MVB12A: variants seen among roughly 807,000 people sequenced by gnomAD.
MVB12A encodes multivesicular body subunit 12A, also known as CIN85/CD2AP family binding protein.
In MVB12A, 30 loss-of-function variants were observed where a neutral mutation model predicts 34.3. The ratio of observed to expected loss-of-function variants is 0.88; its 90% CI spans 0.65 to 1.19. The LOEUF is 1.19. Among genes scored for constraint, MVB12A ranks in the 50% most tolerant of loss-of-function variants. MVB12A has a pLI of 0.00. For missense variants in MVB12A, 355 were observed against 369.2 expected, an observed-to-expected ratio of 0.96 and a Z score of 0.31; for synonymous variants, 158 against 158.9, an observed-to-expected ratio of 0.99 and a Z score of 0.04.
chr19:17,420,583 A>C lies in MVB12A; in HGVS notation c.235A>C (p.Lys79Gln), dbSNP rs1211481893. The change falls in exon 3 of 9, where the codon AAG (lysine) becomes CAG (glutamine). Residue 79 changes from lysine (K) to glutamine (Q), a missense_variant. Transcript: ENST00000317040. Reference sequence around the variant, plus strand: ...GGCCGATATCCAGATCGTGGTGGACAAGAGCCCCCTGCCGCTGGGCTTCTC... The same window carrying C: ...GGCCGATATCCAGATCGTGGTGGACCAGAGCCCCCTGCCGCTGGGCTTCTC... ...VVADIQIVVDKSPLPLGFSPV... is the reference protein window; with the variant it reads ...VVADIQIVVDQSPLPLGFSPV... The C allele has an allele frequency of 3.1e-6, 5 of 1,613,900 alleles. No individual in the cohort carries two copies. The highest frequency in any genetic ancestry group is 1.1e-5 in the South Asian group (1 of 91,078).
At chr19:17,407,318 G>A (rs1397728019) in intron 2 of MVB12A, among the ~76,000 whole-genome samples, 2 of 152,148 alleles carry the variant, frequency 1.3e-5, no homozygotes, top group Non-Finnish European at 2.9e-5. Context: ...AAAGACACAA[G>A]ACGAAGAGAT....
chr19:17,423,411 C>A, intron 4 of MVB12A, 87 bp from the exon 5 acceptor site: 1 of 1,489,536 alleles, frequency 6.7e-7, no homozygotes, highest in Non-Finnish European at 9.0e-7. Flanking sequence ...CACCTGCATG[C>A]CCGGGTCCCC....
chr19:17,419,922 CCCTGGCGACG>C, upstream of MVB12A: 1 of 399,148 alleles, frequency 2.5e-6, no homozygotes, highest in East Asian at 3.6e-5. Flanking sequence ...ACGCGCGCAA[CCCTGGCGACG>C]CGTGGTGGCG....
At chr19:17,416,730 T>TA (rs2074801951), upstream of MVB12A, among the ~76,000 whole-genome samples, 2 of 148,792 alleles carry the variant, frequency 1.3e-5, no homozygotes, top group African/African-American at 2.5e-5. Context: ...TTTTTTTTTT[T>TA]CCTCTGTCAC....
upstream of MVB12A, among the ~76,000 whole-genome samples, chr19:17,416,380 G>C (rs1350309867): frequency 1.3e-5 from 2 of 149,028 alleles, no homozygotes; most frequent in Non-Finnish European, 3.0e-5. Context: ...AAAGTGCTGG[G>C]ATTACAGGCT....
intron 2 of MVB12A, among the ~76,000 whole-genome samples, chr19:17,408,409 A>G (rs1348717615): frequency 2.0e-5 from 3 of 148,764 alleles, no homozygotes; most frequent in Admixed American, 1.4e-4. Context: ...TATTTTAAGT[A>G]CATATATTTA....
chr19:17,410,628 T>C (rs1184101588), intron 2 of MVB12A, among the ~76,000 whole-genome samples: 30 of 136,166 alleles, frequency 2.2e-4, no homozygotes, highest in African/African-American at 9.4e-4. Flanking sequence ...ATAATTATTA[T>C]TATTTTAGAG....
intron 6 of MVB12A, 100 bp downstream of exon 6, chr19:17,423,899 C>G: frequency 6.4e-7 from 1 of 1,569,604 alleles, no homozygotes; most frequent in Non-Finnish European, 8.8e-7. Context: ...TCTCCCAACT[C>G]TGGATTCTGT....
At chr19:17,420,021 C>CCA (rs1555735882), upstream of MVB12A, 147 of 439,866 alleles carry the variant, frequency 3.3e-4, 13 homozygotes, top group Middle Eastern at 7.2e-4. Flanking sequence ...CTCCGCCCCC[C>CCA]CCCCCCGCAT....
At chr19:17,409,223 T>G (rs1188072346) in intron 2 of MVB12A, among the ~76,000 whole-genome samples, 1 of 151,106 alleles carries the variant, frequency 6.6e-6, no homozygotes, top group African/African-American at 2.4e-5. Flanking sequence ...CTCTGCCTCC[T>G]GGGTTGAAGT....
Position 17,425,208 on chromosome 19 carries a change from G to C in MVB12A, c.*215G>C, listed in dbSNP as rs1046340959. ...GTGGTGATGGGGTCTCCGCCCCCAC[G>C]CCCTGCCGGGCAGGGCTGGAGCTGG... On this transcript the variant is annotated 3_prime_UTR_variant, in exon 9 of 9. Transcript: ENST00000317040. 6 of 527,786 alleles carry C rather than the reference G, an allele frequency of 1.1e-5. No individual in the cohort carries two copies. The highest frequency in any genetic ancestry group is 3.3e-5 in the East Asian group (1 of 30,126). 32.7% of individuals were successfully genotyped at this position (527,786 alleles called of 1,614,324 possible).
At position 17,423,756 on chromosome 19, in the gene MVB12A, G is replaced by A; in HGVS notation, c.597G>A (p.Arg199=). The change falls in exon 6 of 9, where the codon AGG becomes AGA. Residue 199 remains arginine (R), a synonymous_variant. Coordinates refer to ENST00000317040, the MANE Select transcript of MVB12A (RefSeq NM_138401.4). ...GCTCTCGGGCATCCACTCTGCGGAG[G>A]AATGACTCCATCTACGAGGCCTCCA... ...RLGSRASTLR[R]NDSIYEASSL... The A allele has an allele frequency of 1.2e-6, 2 of 1,614,012 alleles. No homozygotes were observed. The highest frequency in any genetic ancestry group is 8.5e-7 in the Non-Finnish European group (1 of 1,179,944).
chr19:17,424,787 G>T (rs1412741245), intron 8 of MVB12A, 110 bp downstream of exon 8: 3 of 1,432,426 alleles, frequency 2.1e-6, no homozygotes, highest in African/African-American at 2.8e-5. Flanking sequence ...CCCCATCCCC[G>T]CTTTGCCCCA....
chr19:17,414,296 A>AG lies in MVB12A; in HGVS notation c.-5+8001dup, dbSNP rs2074786428. On this transcript the variant is annotated intron_variant, in intron 2 of 6. Coordinates refer to the MVB12A transcript ENST00000528604. The stretch of plus-strand genomic sequence containing the variant: ...ACTCTGTCTCAAAAGGAAAAAAAAA[A>AG]GAATTCAGAATTCACCTGTCGCCTG... The AG allele has an allele frequency of 3.9e-5, 6 of 152,172 alleles. No homozygotes were observed. In the East Asian group the frequency reaches 5.8e-4, roughly 15 times the overall value. The allele number at this position is 152,172 out of a possible 1,614,324, so 9.4% of individuals were successfully genotyped here. A position where few individuals can be genotyped will look rare whatever the true frequency, so the allele number is the denominator to read the frequency against.
chr19:17,420,016 C>CTT (rs1555735860), upstream of MVB12A: 5 of 291,420 alleles, frequency 1.7e-5, no homozygotes, highest in South Asian at 2.5e-4. Flanking sequence ...GCAATCTCCG[C>CTT]CCCCCCCCCC....
intron 2 of MVB12A, among the ~76,000 whole-genome samples, chr19:17,408,396 A>C (rs1416348963): frequency 1.3e-5 from 2 of 149,334 alleles, no homozygotes; most frequent in East Asian, 3.9e-4. Flanking sequence ...AAATATATAT[A>C]TATATTTTAA....
rs145979908 is a variant in MVB12A, at chr19:17,423,541, C to T, written c.457C>T (p.Pro153Ser). The change falls in exon 5 of 9, where the codon CCG (proline) becomes TCG (serine). Residue 153 changes from proline (P) to serine (S), a missense_variant. Physicochemically the swap from Pro to Ser is moderately conservative, Grantham distance 74 (BLOSUM62 -1). Coordinates refer to ENST00000317040, the MANE Select transcript of MVB12A (RefSeq NM_138401.4). ...FAIWCKKAKA[P>S]RPVPKPRGLS... ...CATCTGGTGCAAGAAGGCCAAGGCC[C>T]CGAGGCCAGTGCCCAAGCCCCGAGG... 59 of 1,613,728 alleles carry T rather than the reference C, an allele frequency of 3.7e-5. No individual in the cohort carries two copies. The highest frequency in any genetic ancestry group is 5.0e-5 in the Admixed American group (3 of 59,990).
At chr19:17,412,586 C>T (rs945426612) in intron 2 of MVB12A, among the ~76,000 whole-genome samples, 3 of 152,058 alleles carry the variant, frequency 2.0e-5, no homozygotes, top group East Asian at 1.9e-4. Flanking sequence ...TTTCTTATAG[C>T]GGGGGTGTGA....
chr19:17,421,464 G>A (rs573759759), intron 3 of MVB12A, among the ~76,000 whole-genome samples: 3 of 152,094 alleles, frequency 2.0e-5, no homozygotes, highest in South Asian at 4.1e-4. Flanking sequence ...GATTACAGGC[G>A]TGAGCCACCG....
Sources: gnomAD v4.1 joint callset for allele counts (sites outside exome capture counted in the v4.1 genomes callset) on GRCh38, gnomAD v4.1.1 for gene constraint, MANE v1.5 for transcripts, NCBI Gene and HGNC (gene_info 2026-07-23, HGNC 2026-07-21) for gene names.